RP2: variants seen among roughly 807,000 people sequenced by gnomAD.
The protein encoded by RP2 is protein XRP2.
In RP2, 3 loss-of-function variants were observed where a neutral mutation model predicts 20.3. The ratio of observed to expected loss-of-function variants is 0.15; its 90% CI spans 0.07 to 0.38. The LOEUF (loss-of-function observed/expected upper bound fraction) is 0.38, where lower values mean the gene tolerates loss of function less well. Among genes scored for constraint, RP2 ranks in the 10% least tolerant of loss-of-function variants. RP2 has a pLI of 1.00. For synonymous variants in RP2, 75 were observed against 94.8 expected (o/e 0.79, Z 1.22); for missense variants, 233 against 268.5 (o/e 0.87, Z 0.92).
chrX:46,849,335 C>T (rs782271296), intron 1 of RP2, among the ~76,000 whole-genome samples: 18 of 110,193 alleles, frequency 1.6e-4, no homozygotes, highest in South Asian at 1.5e-3. Context: ...GGACTACAGG[C>T]GCACACCACC....
chrX:46,851,302 A>G (rs1289908795), intron 1 of RP2, among the ~76,000 whole-genome samples: 4 of 111,853 alleles, frequency 3.6e-5, no homozygotes, highest in Admixed American at 1.9e-4. Flanking sequence ...GTCAGGTAAA[A>G]TAAAAAAAAT....
chrX:46,872,242 A>T (rs1279146521), intron 3 of RP2, among the ~76,000 whole-genome samples: 1 of 112,223 alleles, frequency 8.9e-6, no homozygotes, highest in Non-Finnish European at 1.9e-5. Context: ...GTAGCTTATC[A>T]AGGCTGTATA....
intron 3 of RP2, among the ~76,000 whole-genome samples, chrX:46,866,400 C>T (rs1347149549): frequency 3.6e-5 from 4 of 111,937 alleles, no homozygotes; most frequent in Middle Eastern, 4.6e-3. Flanking sequence ...ATACCTCTGA[C>T]CCTAATCCAG....
chrX:46,874,418 T>C (rs782079255), intron 3 of RP2, among the ~76,000 whole-genome samples: 1 of 111,885 alleles, frequency 8.9e-6, no homozygotes, highest in African/African-American at 3.2e-5. Flanking sequence ...TTATCAACCT[T>C]TTCTTTTTAG....
At chrX:46,847,880 G>A (rs782251853) in intron 1 of RP2, among the ~76,000 whole-genome samples, 15 of 92,133 alleles carry the variant, frequency 1.6e-4, no homozygotes, top group South Asian at 1.5e-3. Context: ...ATATATACAC[G>A]CATATATATG....
At chrX:46,838,786 G>C (rs540564595) in intron 1 of RP2, among the ~76,000 whole-genome samples, 1 of 111,415 alleles carries the variant, frequency 9.0e-6, no homozygotes, top group East Asian at 2.8e-4. Flanking sequence ...TTTGCCCATT[G>C]GCTAAGTAAA....
chrX:46,853,330 T>A (rs1262416646), intron 1 of RP2, 146 bp from the exon 2 acceptor site: 5 of 486,492 alleles, frequency 1.0e-5, no homozygotes, highest in Non-Finnish European at 1.7e-5. Flanking sequence ...ATTTGTCCTG[T>A]TCATTTTGTT....
rs1436401133 is a variant in RP2, at chrX:46,880,052, G to C, written c.*283G>C. The stretch of plus-strand genomic sequence containing the variant: ...ATATTCTTATTAGAAAACAGAAGTA[G>C]CTAAAAGTTTATTATTTTAATCCTA... On this transcript the variant is annotated 3_prime_UTR_variant, in exon 5 of 5. Coordinates refer to ENST00000218340, the MANE Select transcript of RP2 (RefSeq NM_006915.3). 5.7e-6 allele frequency: 1 copy of C among 176,368 alleles called. No homozygotes were observed. The highest frequency in any genetic ancestry group is 1.1e-4 in the East Asian group (1 of 8,963). 14.5% of individuals were successfully genotyped at this position (176,368 alleles called of 1,213,427 possible).
chrX:46,863,453 AGCTGC>A (rs1199537619), intron 3 of RP2, among the ~76,000 whole-genome samples: 1 of 112,281 alleles, frequency 8.9e-6, no homozygotes, highest in Non-Finnish European at 1.9e-5. Flanking sequence ...AAAACTTTTA[AGCTGC>A]TCAGCAGTGC....
At chrX:46,846,393 G>A (rs1924714857) in intron 1 of RP2, among the ~76,000 whole-genome samples, 1 of 110,134 alleles carries the variant, frequency 9.1e-6, no homozygotes, top group Admixed American at 9.8e-5. Context: ...TTCAAGACCC[G>A]CTTGGGCAAC....
chrX:46,875,899 C>T (rs1032216995), intron 3 of RP2, among the ~76,000 whole-genome samples: 1 of 111,826 alleles, frequency 8.9e-6, no homozygotes, highest in African/African-American at 3.3e-5. Context: ...TTCTTTTAAG[C>T]TTTTTCAGTG....
chrX:46,862,456 C>G (rs1047347878), intron 3 of RP2, among the ~76,000 whole-genome samples: 22 of 110,191 alleles, frequency 2.0e-4, no homozygotes, highest in East Asian at 1.1e-3. Flanking sequence ...GTCAGGAGAT[C>G]AAGACCATCC....
chrX:46,852,258 G>T (rs555510701), intron 1 of RP2, among the ~76,000 whole-genome samples: 1 of 110,477 alleles, frequency 9.1e-6, no homozygotes, highest in African/African-American at 3.3e-5. Context: ...AAGAGAGGAA[G>T]GGAGGGAGGG....
chrX:46,870,664 C>G (rs1925274255), intron 3 of RP2, among the ~76,000 whole-genome samples: 1 of 112,174 alleles, frequency 8.9e-6, no homozygotes, highest in African/African-American at 3.2e-5. Flanking sequence ...ATAGCTGAAA[C>G]AGGCAGAGTA....
At chrX:46,864,347 C>CTT (rs782091799) in intron 3 of RP2, among the ~76,000 whole-genome samples, 1,650 of 95,224 alleles carry the variant, frequency 0.017, 43 homozygotes, top group African/African-American at 0.062. Flanking sequence ...TCCTTCCTTT[C>CTT]TTTTTTTTTT....
intron 2 of RP2, among the ~76,000 whole-genome samples, chrX:46,858,497 GT>G (rs1272509639): frequency 1.8e-5 from 2 of 109,941 alleles, no homozygotes; most frequent in Non-Finnish European, 3.8e-5. Context: ...TAAAGACAAG[GT>G]TTTGCTCTAT....
At chrX:46,847,776 GTACATACACACATGTGTGTGTGTATA>G (rs1569531399) in intron 1 of RP2, among the ~76,000 whole-genome samples, 4 of 74,620 alleles carry the variant, frequency 5.4e-5, no homozygotes, top group African/African-American at 2.1e-4. Flanking sequence ...ATGTGTGTGT[GTACATACACACATGTGTGTGTGTATA>G]TATATACACA....
chrX:46,837,456 G>C (rs1476999651), intron 1 of RP2, among the ~76,000 whole-genome samples: 2 of 111,632 alleles, frequency 1.8e-5, no homozygotes, highest in Non-Finnish European at 3.8e-5. Context: ...ACTCCCCCGG[G>C]AGCTTTCTCT....
chrX:46,861,900 TAAAC>T lies in RP2; in HGVS notation c.883+1802_883+1805del, dbSNP rs1206797304. On this transcript the variant is annotated intron_variant, in intron 3 of 4. Coordinates refer to ENST00000218340, the MANE Select transcript of RP2 (RefSeq NM_006915.3). Reference sequence around the variant, plus strand: ...ACAGAAATCTATGCATCCATATTGTTAAACAAAAAGGGGAGAGAAGAAAAGAATG... The same window carrying T: ...ACAGAAATCTATGCATCCATATTGTTAAAAAGGGGAGAGAAGAAAAGAATG... 7.2e-5 allele frequency among the ~76,000 whole-genome samples: 8 copies of T among 111,749 alleles called. No individual in the cohort carries two copies. The Admixed American group carries it at 7.6e-4, about 11-fold the overall frequency.
Sources: allele counts gnomAD v4.1 joint callset (sites outside exome capture counted in the v4.1 genomes callset), GRCh38; gene constraint gnomAD v4.1.1; transcripts MANE v1.5; gene names NCBI Gene and HGNC (gene_info 2026-07-23, HGNC 2026-07-21).